Variants in LAMC1 observed in about 807,000 individuals in gnomAD.
LAMC1 encodes the protein laminin subunit gamma-1.
Under a neutral mutation model 173.6 loss-of-function variants are expected in LAMC1, and 38 were observed. The observed-to-expected ratio is 0.22, with a 90% CI of 0.17 to 0.29. LAMC1 has a LOEUF of 0.29. Among genes scored for constraint, LAMC1 ranks in the 10% least tolerant of loss-of-function variants. LAMC1 has a pLI of 1.00. For missense variants in LAMC1, 1,824 were observed against 2,051.8 expected, an observed-to-expected ratio of 0.89 and a Z score of 2.14; for synonymous variants, 746 against 749.1, an observed-to-expected ratio of 1.00 and a Z score of 0.07.
intron 25 of LAMC1, 46 bp downstream of exon 25, chr1:183,136,631 TG>T: frequency 6.7e-7 from 1 of 1,489,954 alleles, no homozygotes; most frequent in Non-Finnish European, 9.1e-7. Context: ...TATCTTTCTC[TG>T]GTCACTTTCC....
intron 16 of LAMC1, 77 bp from the exon 17 acceptor site, chr1:183,127,146 CTTA>C: frequency 1.5e-6 from 2 of 1,355,362 alleles, no homozygotes; most frequent in Non-Finnish European, 2.0e-6. Flanking sequence ...TTATAGTCAG[CTTA>C]TTGTTATCAG....
At chr1:183,038,240 T>G (rs1654035000) in intron 1 of LAMC1, among the ~76,000 whole-genome samples, 1 of 152,166 alleles carries the variant, frequency 6.6e-6, no homozygotes, top group African/African-American at 2.4e-5. Flanking sequence ...TCTACCATGT[T>G]GGCCAGGCTG....
At chr1:183,067,699 C>T (rs1398216026) in intron 1 of LAMC1, among the ~76,000 whole-genome samples, 6 of 152,036 alleles carry the variant, frequency 3.9e-5, no homozygotes, top group Non-Finnish European at 8.8e-5. Context: ...ACTGTATTGG[C>T]CAGGCTGGTG....
chr1:183,095,712 C>T (rs897736685), intron 1 of LAMC1, among the ~76,000 whole-genome samples: 2 of 152,114 alleles, frequency 1.3e-5, no homozygotes, highest in Non-Finnish European at 2.9e-5. Context: ...TGCCTGTAGT[C>T]TACCACCATG....
intron 1 of LAMC1, among the ~76,000 whole-genome samples, chr1:183,097,970 T>G (rs1273436342): frequency 2.0e-5 from 3 of 151,724 alleles, no homozygotes. Flanking sequence ...GGGTGAGGAG[T>G]GGAAGATGTT....
rs1168001252 is a variant in LAMC1, at chr1:183,023,636, C to A, written c.-81C>A. The A allele has an allele frequency of 9.4e-7, 1 of 1,059,906 alleles. No individual in the cohort carries two copies. Among genetic ancestry groups the A allele is most frequent in the Non-Finnish European group, 1.2e-6 (1 of 860,462 alleles). 65.7% of individuals were successfully genotyped at this position (1,059,906 alleles called of 1,614,324 possible). The stretch of plus-strand genomic sequence containing the variant: ...GGGCCCCCAGGCTCAAGCAGCGAAG[C>A]GGCCTCCGGGGGACGCCGCTAGGCG... On this transcript the variant is annotated 5_prime_UTR_variant, in exon 1 of 28. Coordinates refer to ENST00000258341, the MANE Select transcript of LAMC1 (RefSeq NM_002293.4).
chr1:183,134,948 T>C (rs1656896310), intron 23 of LAMC1, 94 bp from the exon 24 acceptor site: 2 of 1,345,280 alleles, frequency 1.5e-6, no homozygotes, highest in Non-Finnish European at 2.1e-6. Context: ...TGCTGGCAAG[T>C]CTCAGGGTGG....
chr1:183,053,840 G>A (rs1654505594), intron 1 of LAMC1, among the ~76,000 whole-genome samples: 2 of 152,094 alleles, frequency 1.3e-5, no homozygotes, highest in African/African-American at 4.8e-5. Context: ...TGCCCAGGCT[G>A]GTCTCAAACT....
At chr1:183,045,888 T>G (rs1654254242) in intron 1 of LAMC1, among the ~76,000 whole-genome samples, 5 of 151,888 alleles carry the variant, frequency 3.3e-5, no homozygotes, top group Admixed American at 1.3e-4. Context: ...TAAAGGAGAG[T>G]ATCTTTTCAT....
Position 183,143,412 on chromosome 1 carries a change from G to A in LAMC1, c.*622G>A, listed in dbSNP as rs1469140916. 6.6e-6 allele frequency: 1 copy of A among 152,616 alleles called. No homozygotes were observed. The highest frequency in any genetic ancestry group is 1.9e-4 in the East Asian group (1 of 5,196). The allele number at this position is 152,616 out of a possible 1,614,324, so 9.5% of individuals were successfully genotyped here. ...CACTGAGCCATCCGTGGGTCAGGAT[G>A]CAATTATTTATAAAAGTCTCCAGGT... On this transcript the variant is annotated 3_prime_UTR_variant, in exon 28 of 28. Coordinates refer to ENST00000258341, the MANE Select transcript of LAMC1 (RefSeq NM_002293.4).
At chr1:183,024,792 C>A (rs1377639312) in intron 1 of LAMC1, among the ~76,000 whole-genome samples, 1 of 152,224 alleles carries the variant, frequency 6.6e-6, no homozygotes, top group Non-Finnish European at 1.5e-5. Flanking sequence ...AATTGCTGGG[C>A]ATAGCCTTGT....
intron 1 of LAMC1, among the ~76,000 whole-genome samples, chr1:183,101,272 G>A (rs149042108): frequency 8.3e-4 from 126 of 152,036 alleles, no homozygotes; most frequent in African/African-American, 2.8e-3. Flanking sequence ...TAATGTCTTA[G>A]ATAGTGAGTC....
chr1:183,093,368 TCTTTTTAAAAGAAG>T (rs1025551118), intron 1 of LAMC1, among the ~76,000 whole-genome samples: 1 of 152,174 alleles, frequency 6.6e-6, no homozygotes, highest in African/African-American at 2.4e-5. Context: ...GTCACTCTCT[TCTTTTTAAAAGAAG>T]CTTTTTAAAA....
At chr1:183,096,272 T>C (rs2102063592) in intron 1 of LAMC1, among the ~76,000 whole-genome samples, 1 of 152,318 alleles carries the variant, frequency 6.6e-6, no homozygotes, top group South Asian at 2.1e-4. Flanking sequence ...AGATTACGGA[T>C]TTATCTTCTC....
intron 1 of LAMC1, among the ~76,000 whole-genome samples, chr1:183,097,729 C>T (rs1192655255): frequency 6.6e-6 from 1 of 152,190 alleles, no homozygotes; most frequent in Non-Finnish European, 1.5e-5. Flanking sequence ...TTCTCATTGT[C>T]GATGCGGCCT....
At chr1:183,060,785 A>G (rs1654725782) in intron 1 of LAMC1, among the ~76,000 whole-genome samples, 1 of 152,236 alleles carries the variant, frequency 6.6e-6, no homozygotes, top group Non-Finnish European at 1.5e-5. Context: ...AGTTATCTTA[A>G]GTTGATATAA....
chr1:183,038,504 A>G (rs1394659630), intron 1 of LAMC1, among the ~76,000 whole-genome samples: 1 of 152,186 alleles, frequency 6.6e-6, no homozygotes, highest in Non-Finnish European at 1.5e-5. Flanking sequence ...ATAAATGCAT[A>G]AATGTTTTCT....
chr1:183,121,927 C>T lies in LAMC1; in HGVS notation c.2195C>T (p.Thr732Ile), dbSNP rs1369242901. The change falls in exon 12 of 28, where the codon ACC becomes ATC. Residue 732 changes from threonine to isoleucine, a missense_variant. By Grantham distance (89) the Thr-to-Ile change is moderately conservative. Transcript: ENST00000258341. ...TGCGCCTGCAATGGACACAGCGAGA[C>T]CTGTGATCCTGAGACAGGTGAGATG... ...VLCACNGHSE[T>I]CDPETGVCNC... is the part of the protein sequence containing the mutation. The T allele has an allele frequency of 5.0e-6, 8 of 1,614,062 alleles. No individual in the cohort carries two copies. Among genetic ancestry groups the T allele is most frequent in the Non-Finnish European group, 5.1e-6 (6 of 1,179,942 alleles).
At chr1:183,081,683 A>C (rs1655281492) in intron 1 of LAMC1, among the ~76,000 whole-genome samples, 2 of 151,876 alleles carry the variant, frequency 1.3e-5, no homozygotes, top group Admixed American at 6.6e-5. Context: ...CTGGATCACC[A>C]CACACATAGC....
Sources: gnomAD v4.1 joint callset for allele counts (sites outside exome capture counted in the v4.1 genomes callset) on GRCh38, gnomAD v4.1.1 for gene constraint, MANE v1.5 for transcripts, NCBI Gene and HGNC (gene_info 2026-07-23, HGNC 2026-07-21) for gene names.